Variants in CENPK observed in about 807,000 individuals in gnomAD.
The protein encoded by CENPK is centromere protein K.
Under a neutral mutation model 40.9 loss-of-function variants are expected in CENPK, and 46 were observed. That is an observed-to-expected ratio of 1.13 (90% confidence interval 0.89 to 1.44). CENPK has a LOEUF of 1.44. Among genes scored for constraint, CENPK ranks in the 40% most tolerant of loss-of-function variants. CENPK has a pLI of 0.00. For synonymous variants in CENPK, 107 were observed against 104.4 expected, an observed-to-expected ratio of 1.02 and a Z score of -0.15; for missense variants, 288 against 303.5, an observed-to-expected ratio of 0.95 and a Z score of 0.38.
the CENPK span, among the ~76,000 whole-genome samples, chr5:65,498,901 T>C: frequency 6.6e-6 from 1 of 152,206 alleles, no homozygotes; most frequent in South Asian, 2.1e-4. Flanking sequence ...CCCTAAGTGT[T>C]GGGATTACGG....
chr5:65,533,287 T>C (rs995578527), intron 6 of CENPK, among the ~76,000 whole-genome samples: 4 of 151,752 alleles, frequency 2.6e-5, no homozygotes, highest in African/African-American at 9.7e-5. Flanking sequence ...GAGGCAGAGA[T>C]TGCAGTGAAC....
At chr5:65,515,653 T>C (rs1383433157), downstream of CENPK, among the ~76,000 whole-genome samples, 1 of 152,238 alleles carries the variant, frequency 6.6e-6, no homozygotes, top group African/African-American at 2.4e-5. Context: ...TTATTTCTAG[T>C]TTAATTCCTT....
Position 65,563,100 on chromosome 5 carries a change from T to C in CENPK, c.-144A>G, listed in dbSNP as rs1368732818. On this transcript the variant is annotated splice_region_variant and 5_prime_UTR_variant, in exon 1 of 11. It removes an upstream start codon present in the reference 5' UTR. Coordinates refer to ENST00000396679, the MANE Select transcript of CENPK (RefSeq NM_022145.5). ...AACCTCCCCGGCCCAGGTCTTACCA[T>C]CACAGCGTCACAAACTCCAGGTCGC... 3 of 564,522 alleles carry C rather than the reference T, an allele frequency of 5.3e-6. No individual in the cohort carries two copies. Among genetic ancestry groups the C allele is most frequent in the Non-Finnish European group, 9.3e-6 (3 of 324,264 alleles). 35.0% of individuals were successfully genotyped at this position (564,522 alleles called of 1,614,324 possible). A position where few individuals can be genotyped will look rare whatever the true frequency, so the allele number is the denominator to read the frequency against.
At chr5:65,514,263 G>GTTTTTTTTTTTTTTTTTTTTTT (rs59636233), downstream of CENPK, among the ~76,000 whole-genome samples, 5 of 27,724 alleles carry the variant, frequency 1.8e-4, no homozygotes, top group African/African-American at 4.5e-4. Context: ...TTTTTTTTTA[G>GTTTTTTTTTTTTTTTTTTTTTT]TTTTTTTTAG....
intron 9 of CENPK, among the ~76,000 whole-genome samples, chr5:65,528,139 G>C (rs775542524): frequency 1.1e-4 from 16 of 152,100 alleles, no homozygotes; most frequent in Non-Finnish European, 2.1e-4. Flanking sequence ...TACTCTGAAG[G>C]CTAAGGCACA....
chr5:65,524,442 A>T lies in CENPK; in HGVS notation c.598-2914T>A, dbSNP rs760717220. Among the ~76,000 whole-genome samples the T allele has an allele frequency of 9.3e-4, 140 of 150,516 alleles. 1 individual carries two copies. Among genetic ancestry groups the T allele is most frequent in the Non-Finnish European group, 9.2e-4 (62 of 67,648 alleles). On this transcript the variant is annotated intron_variant, in intron 9 of 10. Transcript: ENST00000396679. Reference sequence around the variant, plus strand: ...GAGTCGGGCGGATCATAAGGTCAGGAGGTCGAGACCATCCTGGCTAACACA... The same window carrying T: ...GAGTCGGGCGGATCATAAGGTCAGGTGGTCGAGACCATCCTGGCTAACACA...
At chr5:65,538,513 CTCACTTTTACTATACAT>C (rs1747365252) in intron 6 of CENPK, among the ~76,000 whole-genome samples, 3 of 152,022 alleles carry the variant, frequency 2.0e-5, no homozygotes, top group Admixed American at 2.0e-4. Context: ...TTTTTCTCTT[CTCACTTTTACTATACAT>C]TCAAGAGAAG....
the CENPK span, among the ~76,000 whole-genome samples, chr5:65,503,713 A>T: frequency 1.3e-5 from 2 of 150,202 alleles, no homozygotes; most frequent in African/African-American, 4.9e-5. Context: ...GCTGGAGTGC[A>T]GTGGCTTGAT....
chr5:65,544,974 A>C (rs1748634015), intron 5 of CENPK, among the ~76,000 whole-genome samples: 1 of 152,208 alleles, frequency 6.6e-6, no homozygotes, highest in Non-Finnish European at 1.5e-5. Context: ...TGTACTTAAC[A>C]CTACTGTGAA....
At chr5:65,522,703 T>C (rs150951231) in intron 9 of CENPK, among the ~76,000 whole-genome samples, 1 of 152,208 alleles carries the variant, frequency 6.6e-6, no homozygotes, top group Non-Finnish European at 1.5e-5. Context: ...AGTGCGGGAT[T>C]ACAGGTGTGA....
chr5:65,504,227 G>C, the CENPK span, among the ~76,000 whole-genome samples: 1 of 151,698 alleles, frequency 6.6e-6, no homozygotes, highest in Non-Finnish European at 1.5e-5. Context: ...AGGCCAAGGT[G>C]GGGTAGATTA....
At chr5:65,534,077 GA>G (rs1347693113) in intron 6 of CENPK, among the ~76,000 whole-genome samples, 1 of 136,356 alleles carries the variant, frequency 7.3e-6, no homozygotes, top group Non-Finnish European at 1.6e-5. Flanking sequence ...AAAGGAAAAA[GA>G]AAAAAATTGA....
Position 65,528,468 on chromosome 5 carries a change from C to T in CENPK, c.581G>A (p.Ser194Asn), listed in dbSNP as rs781204320. ...LEDHFPLPDR[S>N]VKKKKKNIQE... ...AAAACTTACCTTTTTCTTTTTAACA[C>T]TTCTATCAGGCAGAGGAAAATGGTC... The change falls in exon 9 of 11, where the codon AGT becomes AAT. Residue 194 changes from serine (S) to asparagine (N), a missense_variant. Coordinates refer to ENST00000396679, the MANE Select transcript of CENPK (RefSeq NM_022145.5). 1.3e-6 allele frequency: 2 copies of T among 1,594,392 alleles called. No homozygotes were observed. Among genetic ancestry groups the T allele is most frequent in the Non-Finnish European group, 1.7e-6 (2 of 1,174,920 alleles).
rs138940796 is a variant in CENPK, at chr5:65,529,009, C to T, written c.380G>A (p.Arg127Gln). The T allele has an allele frequency of 2.8e-5, 45 of 1,607,358 alleles. No individual in the cohort carries two copies. Among genetic ancestry groups the T allele is most frequent in the East Asian group, 2.0e-4 (9 of 44,736 alleles). The change falls in exon 8 of 11, where the codon CGG (arginine) becomes CAG (glutamine). Residue 127 changes from arginine (R) to glutamine (Q), a missense_variant. Transcript: ENST00000396679. ...KLKEDLEREQ[R>Q]WLDEQQQIME... ...TATCTGTTGCTGTTCATCCAACCAC[C>T]GTTGTTCCCTTTCGACATGGAAAAA...
At chr5:65,509,938 A>T in the CENPK span, among the ~76,000 whole-genome samples, 1 of 152,202 alleles carries the variant, frequency 6.6e-6, no homozygotes, top group South Asian at 2.1e-4. Flanking sequence ...ATCTATATAA[A>T]ACAGCAAACT....
intron 6 of CENPK, among the ~76,000 whole-genome samples, chr5:65,537,599 C>A (rs555521553): frequency 6.6e-6 from 1 of 152,122 alleles, no homozygotes; most frequent in Non-Finnish European, 1.5e-5. Flanking sequence ...CACGCCCGGC[C>A]GGTGAATAAA....
At chr5:65,514,928 A>C (rs1406091367), downstream of CENPK, among the ~76,000 whole-genome samples, 2 of 150,238 alleles carry the variant, frequency 1.3e-5, no homozygotes, top group African/African-American at 2.4e-5. Context: ...TTCATTTCTG[A>C]TTTTAGTAAT....
At chr5:65,521,216 T>C (rs575903428) in intron 10 of CENPK, among the ~76,000 whole-genome samples, 1 of 152,134 alleles carries the variant, frequency 6.6e-6, no homozygotes, top group African/African-American at 2.4e-5. Flanking sequence ...AAATTTTACC[T>C]GTAATAAATC....
intron 9 of CENPK, among the ~76,000 whole-genome samples, chr5:65,525,462 A>G (rs1328003852): frequency 6.6e-6 from 1 of 152,158 alleles, no homozygotes; most frequent in Non-Finnish European, 1.5e-5. Flanking sequence ...ATGGTTCTAT[A>G]TGTATATGTG....
Sources: allele counts gnomAD v4.1 joint callset (sites outside exome capture counted in the v4.1 genomes callset), GRCh38; gene constraint gnomAD v4.1.1; transcripts MANE v1.5; gene names NCBI Gene and HGNC (gene_info 2026-07-23, HGNC 2026-07-21).